Variants in SKA3 observed in about 807,000 individuals in gnomAD.
The protein encoded by SKA3 is spindle and kinetochore-associated protein 3.
In SKA3, 39 loss-of-function variants were observed where a neutral mutation model predicts 44.2. The ratio of observed to expected loss-of-function variants is 0.88; its 90% CI spans 0.68 to 1.15. The LOEUF (loss-of-function observed/expected upper bound fraction) is 1.15. Among genes scored for constraint, SKA3 ranks in the 50% most tolerant of loss-of-function variants. The pLI is 0.00. For synonymous variants in SKA3, 192 were observed against 172.0 expected (o/e 1.12, Z -0.91); for missense variants, 511 against 485.8 (o/e 1.05, Z -0.49).
At chr13:21,164,475 A>G (rs910907469) in intron 4 of SKA3, among the ~76,000 whole-genome samples, 2 of 152,254 alleles carry the variant, frequency 1.3e-5, no homozygotes, top group Non-Finnish European at 2.9e-5. Flanking sequence ...ACAGTTAAGA[A>G]TCAACTCTTT....
Position 21,154,793 on chromosome 13 carries a change from G to A in SKA3, c.*357C>T, listed in dbSNP as rs929217619. On this transcript the variant is annotated 3_prime_UTR_variant, in exon 9 of 9. Coordinates refer to ENST00000314759, the MANE Select transcript of SKA3 (RefSeq NM_145061.6). ...GCTGGCAGCAATGTCTCTCTGGCCA[G>A]AAGGTCAGGGGCGGCCTCATCTGAG... 2.8e-6 allele frequency: 1 copy of A among 353,914 alleles called. No individual in the cohort carries two copies. The highest frequency in any genetic ancestry group is 5.3e-6 in the Non-Finnish European group (1 of 188,454). The allele number at this position is 353,914 out of a possible 1,614,324, so 21.9% of individuals were successfully genotyped here.
chr13:21,172,382 A>G lies in SKA3; in HGVS notation c.288T>C (p.Tyr96=). Residue 96 remains tyrosine (Y), a synonymous_variant, in exon 3 of 9, where the codon TAT becomes TAC. Transcript: ENST00000314759. ...GTGGACTATATCCATACTTCTGGAA[A>G]TACTCTCTTATTTTCATAATATCCA... ...NSMDIMKIRE[Y]FQKYGYSPRV... is the part of the protein sequence containing the mutation. 6.3e-7 allele frequency: 1 copy of G among 1,583,530 alleles called. No homozygotes were observed. The highest frequency in any genetic ancestry group is 8.6e-7 in the Non-Finnish European group (1 of 1,169,416).
intron 5 of SKA3, 138 bp from the exon 6 acceptor site, chr13:21,160,125 A>G (rs1870357368): frequency 1.9e-6 from 1 of 517,826 alleles, no homozygotes. Flanking sequence ...GTAATACACA[A>G]TAACAAATAG....
At chr13:21,165,605 C>T (rs1272580047) in intron 4 of SKA3, among the ~76,000 whole-genome samples, 5 of 151,996 alleles carry the variant, frequency 3.3e-5, no homozygotes, top group African/African-American at 1.2e-4. Context: ...AGAAATATTT[C>T]TTATTTCCTA....
At chr13:21,164,141 T>C (rs186380320) in intron 4 of SKA3, among the ~76,000 whole-genome samples, 1 of 152,332 alleles carries the variant, frequency 6.6e-6, no homozygotes, top group Non-Finnish European at 1.5e-5. Context: ...GCATATGGGT[T>C]TTTAAAACCT....
Position 21,158,448 on chromosome 13 carries a change from C to A in SKA3, c.916-323G>T, listed in dbSNP as rs184975429. On this transcript the variant is annotated intron_variant, in intron 6 of 8. Transcript: ENST00000314759. ...CCAGCTTCGCCAACATGGTGAAACC[C>A]CATCTCTACTAAAAATACAAAAAAT... 2.5e-3 allele frequency among the ~76,000 whole-genome samples: 373 copies of A among 148,516 alleles called. 2 individuals carry two copies. Among genetic ancestry groups the A allele is most frequent in the African/African-American group, 9.4e-3 (360 of 38,198 alleles).
chr13:21,172,722 T>A, intron 1 of SKA3, 41 bp from the exon 2 acceptor site: 1 of 1,247,908 alleles, frequency 8.0e-7, no homozygotes, highest in Non-Finnish European at 1.1e-6. Context: ...CCAATAAATG[T>A]AAGGAAAAGG....
At chr13:21,158,219 T>G in intron 6 of SKA3, 94 bp from the exon 7 acceptor site, 3 of 806,124 alleles carry the variant, frequency 3.7e-6, no homozygotes, top group Non-Finnish European at 5.9e-6. Context: ...TTGGGGTCTC[T>G]AATAGGCTCC....
chr13:21,156,581 C>T (rs922894357), intron 7 of SKA3, among the ~76,000 whole-genome samples: 1 of 152,138 alleles, frequency 6.6e-6, no homozygotes, highest in African/African-American at 2.4e-5. Flanking sequence ...ACAGAAGATG[C>T]TCCTTCTTCA....
intron 7 of SKA3, 66 bp downstream of exon 7, chr13:21,157,856 T>C: frequency 2.6e-6 from 3 of 1,157,536 alleles, no homozygotes; most frequent in South Asian, 1.4e-5. Context: ...CAGTTTCAGG[T>C]CTTTAAATAT....
chr13:21,167,666 G>A (rs758364335), intron 4 of SKA3, among the ~76,000 whole-genome samples: 2 of 151,342 alleles, frequency 1.3e-5, no homozygotes, highest in Non-Finnish European at 2.9e-5. Context: ...ACTCGGGAGG[G>A]TGAGGCAGGA....
chr13:21,176,224 G>T (rs959699782), intron 1 of SKA3, 151 bp downstream of exon 1: 1 of 609,322 alleles, frequency 1.6e-6, no homozygotes, highest in East Asian at 3.4e-5. Context: ...ACGCCGAGCA[G>T]TGAGACGCGC....
At chr13:21,162,063 C>T (rs1870472372) in intron 4 of SKA3, among the ~76,000 whole-genome samples, 188 bp from the exon 5 acceptor site, 1 of 152,126 alleles carries the variant, frequency 6.6e-6, no homozygotes, top group Non-Finnish European at 1.5e-5. Context: ...GGTTAAGGAC[C>T]ACTAAGTTCA....
Position 21,161,825 on chromosome 13 carries a change from G to A in SKA3, c.794C>T (p.Thr265Ile). The part of the protein sequence containing the change: ...ESRLNDNVFA[T>I]PSPIIQQLEK... ...CAACTGCTGGATGATGGGGCTGGGA[G>A]TGGCAAAAACATTATCATTGAGCCT... Residue 265 changes from threonine to isoleucine, a missense_variant, in exon 5 of 9, where the codon ACT (threonine) becomes ATT (isoleucine). Physicochemically the swap from Thr to Ile is moderately conservative, Grantham distance 89. Coordinates refer to ENST00000314759, the MANE Select transcript of SKA3 (RefSeq NM_145061.6). 7 of 1,612,260 alleles carry A rather than the reference G, an allele frequency of 4.3e-6. No individual in the cohort carries two copies. The Middle Eastern group carries it at 5.0e-4, about 114-fold the overall frequency.
In SKA3 at chr13:21,158,280, G is replaced by T. The variant is rs1029781181; in HGVS notation, c.916-155C>A. ...GTTCTAAACAAAATCAAGAACAAATGGCATACAGAGGACAAAATATCATCT... is the reference window on the plus strand; with the variant it reads ...GTTCTAAACAAAATCAAGAACAAATTGCATACAGAGGACAAAATATCATCT... On this transcript the variant is annotated intron_variant, in intron 6 of 8. Coordinates refer to ENST00000314759, the MANE Select transcript of SKA3 (RefSeq NM_145061.6). Among the ~76,000 whole-genome samples, 9 of 152,200 alleles carry T rather than the reference G, an allele frequency of 5.9e-5. No homozygotes were observed. In the East Asian group the frequency reaches 1.7e-3, roughly 29 times the overall value.
intron 4 of SKA3, among the ~76,000 whole-genome samples, chr13:21,163,765 TG>T (rs1166071343): frequency 2.0e-5 from 3 of 152,186 alleles, no homozygotes; most frequent in African/African-American, 7.2e-5. Flanking sequence ...GTATTTCTTC[TG>T]GGGTTTTTTT....
chr13:21,168,483 G>A (rs1410900259), intron 3 of SKA3, 84 bp from the exon 4 acceptor site: 2 of 1,092,338 alleles, frequency 1.8e-6, no homozygotes, highest in East Asian at 3.6e-5. Flanking sequence ...CAGCTTATCT[G>A]AAATTTCCCA....
At chr13:21,166,394 A>G (rs938955482) in intron 4 of SKA3, among the ~76,000 whole-genome samples, 4 of 152,204 alleles carry the variant, frequency 2.6e-5, no homozygotes, top group Non-Finnish European at 2.9e-5. Flanking sequence ...GAAATTTTCA[A>G]ATTTCCCAAT....
At chr13:21,176,151 G>C (rs1871503951) in intron 1 of SKA3, among the ~76,000 whole-genome samples, 2 of 152,284 alleles carry the variant, frequency 1.3e-5, no homozygotes, top group South Asian at 2.1e-4. Flanking sequence ...GTCTAAAACG[G>C]ACACGCGACA....
Sources: allele counts gnomAD v4.1 joint callset (sites outside exome capture counted in the v4.1 genomes callset), GRCh38; gene constraint gnomAD v4.1.1; transcripts MANE v1.5; gene names NCBI Gene and HGNC (gene_info 2026-07-23, HGNC 2026-07-21).